The following RPH3AL variants were observed in gnomAD, a reference collection of about 807,000 sequenced individuals.
RPH3AL encodes the protein rab effector Noc2.
RPH3AL carries 38 observed loss-of-function variants against 43.1 expected under a neutral mutation model. The ratio of observed to expected loss-of-function variants is 0.88; its 90% CI spans 0.68 to 1.15. RPH3AL has a LOEUF of 1.15. Ranked by LOEUF, RPH3AL falls within the 50% of genes most tolerant of loss-of-function variation. The pLI is 0.00. For synonymous variants in RPH3AL, 189 were observed against 176.3 expected (o/e 1.07, Z -0.57); for missense variants, 462 against 423.2 (o/e 1.09, Z -0.81).
intron 1 of RPH3AL, among the ~76,000 whole-genome samples, chr17:337,122 A>ATTT (rs11453667): frequency 5.3e-5 from 8 of 150,064 alleles, no homozygotes; most frequent in Non-Finnish European, 8.9e-5. Flanking sequence ...CGCACCAATA[A>ATTT]TTTTTTTTTT....
chr17:316,513 C>T (rs1410825722), intron 5 of RPH3AL, among the ~76,000 whole-genome samples: 1 of 149,252 alleles, frequency 6.7e-6, no homozygotes, highest in Non-Finnish European at 1.5e-5. Flanking sequence ...CTGTGCTCCA[C>T]CTCCAGTGAC....
At chr17:224,962 C>T (rs1168592982) in intron 7 of RPH3AL, among the ~76,000 whole-genome samples, 2 of 89,850 alleles carry the variant, frequency 2.2e-5, no homozygotes, top group Non-Finnish European at 4.2e-5. Context: ...CGGGGCCTGT[C>T]ATGGGGTTGG....
At chr17:348,222 A>C (rs1043638265) in intron 1 of RPH3AL, among the ~76,000 whole-genome samples, 3 of 152,162 alleles carry the variant, frequency 2.0e-5, no homozygotes, top group African/African-American at 7.2e-5. Flanking sequence ...TAAAAAGACC[A>C]GGGATTTGGG....
intron 3 of RPH3AL, among the ~76,000 whole-genome samples, chr17:324,945 T>C (rs1449638750): frequency 6.6e-6 from 1 of 152,202 alleles, no homozygotes; most frequent in Non-Finnish European, 1.5e-5. Context: ...CAGGCTGGTC[T>C]CAAATGCCTG....
At chr17:309,913 C>T (rs1051645012) in intron 5 of RPH3AL, among the ~76,000 whole-genome samples, 3 of 152,192 alleles carry the variant, frequency 2.0e-5, no homozygotes, top group Non-Finnish European at 2.9e-5. Flanking sequence ...TGCCCCCAGC[C>T]TGAGCTGGAC....
intron 5 of RPH3AL, among the ~76,000 whole-genome samples, chr17:313,205 G>A (rs541589331): frequency 5.3e-5 from 8 of 152,164 alleles, no homozygotes; most frequent in East Asian, 1.9e-4. Flanking sequence ...CAGTCCCTAC[G>A]TTGCCTGTCT....
chr17:321,254 G>A lies in RPH3AL; in HGVS notation c.221+18C>T. 1 of 1,599,832 alleles carries A rather than the reference G, an allele frequency of 6.3e-7. No homozygotes were observed. Among genetic ancestry groups the A allele is most frequent in the Non-Finnish European group, 8.5e-7 (1 of 1,177,396 alleles). ...CCCTTGCTGTCCTCCCACTGAGCTG[G>A]CCCCGGCCCCGCCTCACCCGATTCT... On this transcript the variant is annotated intron_variant, in intron 4 of 9. Transcript: ENST00000331302.
At position 345,944 on chromosome 17, in the gene RPH3AL, G is replaced by C. The variant is rs2151734789; in HGVS notation, c.-213+6768C>G. 1.5e-5 allele frequency among the ~76,000 whole-genome samples: 2 copies of C among 135,514 alleles called. 1 individual carries two copies. Among genetic ancestry groups the C allele is most frequent in the South Asian group, 4.8e-4 (2 of 4,130 alleles). The allele number at this position is 135,514 out of a possible 152,430, so 88.9% of individuals were successfully genotyped here. On this transcript the variant is annotated intron_variant, in intron 1 of 9. Coordinates refer to ENST00000331302, the MANE Select transcript of RPH3AL (RefSeq NM_006987.4). ...AGTGGGCTCTGAGTCTCGAAGACCAGGACATAAGGGAAACACAAAATGTCA... is the reference window on the plus strand; with the variant it reads ...AGTGGGCTCTGAGTCTCGAAGACCACGACATAAGGGAAACACAAAATGTCA...
At chr17:324,681 T>TTCTATCTAGCTAGCTAGCTAGCTAGCTA (rs1555525129) in intron 3 of RPH3AL, among the ~76,000 whole-genome samples, 1 of 130,056 alleles carries the variant, frequency 7.7e-6, no homozygotes, top group Non-Finnish European at 1.7e-5. Context: ...CTTTCTATCT[T>TTCTATCTAGCTAGCTAGCTAGCTAGCTA]TCTATCTATC....
intron 6 of RPH3AL, among the ~76,000 whole-genome samples, chr17:271,753 C>G (rs572114180): frequency 2.0e-5 from 3 of 152,228 alleles, no homozygotes; most frequent in Non-Finnish European, 2.9e-5. Context: ...AATTGAATAC[C>G]CTTTATTTCT....
At chr17:284,298 G>A (rs902663029) in intron 5 of RPH3AL, among the ~76,000 whole-genome samples, 9 of 152,178 alleles carry the variant, frequency 5.9e-5, no homozygotes, top group African/African-American at 1.9e-4. Flanking sequence ...GGCTGCCCGA[G>A]GTCACACAGC....
chr17:309,904 G>T (rs79546440), intron 5 of RPH3AL, among the ~76,000 whole-genome samples: 3,911 of 152,178 alleles, frequency 0.026, 73 homozygotes, highest in East Asian at 0.075. Context: ...GGTAATACCT[G>T]CCCCCAGCCT....
intron 7 of RPH3AL, among the ~76,000 whole-genome samples, chr17:236,265 C>T (rs1458025784): frequency 6.6e-6 from 1 of 152,220 alleles, no homozygotes; most frequent in Non-Finnish European, 1.5e-5. Flanking sequence ...GCTCACTCCT[C>T]CGTCAGATGC....
At chr17:304,318 G>A (rs1436780349) in intron 5 of RPH3AL, among the ~76,000 whole-genome samples, 2 of 151,926 alleles carry the variant, frequency 1.3e-5, no homozygotes, top group African/African-American at 4.8e-5. Flanking sequence ...CCAGGTGAGA[G>A]ACCTGAAGCA....
Position 274,584 on chromosome 17 carries a change from G to T in RPH3AL, c.438+7184C>A, listed in dbSNP as rs1484383387. On this transcript the variant is annotated intron_variant, in intron 6 of 9. Coordinates refer to ENST00000331302, the MANE Select transcript of RPH3AL (RefSeq NM_006987.4). The surrounding 1 kb of genome is among the most constrained non-coding windows in gnomAD (Gnocchi z 4.7). ...AGCAGGGAGAGCAGGAAGAGCGGAG[G>T]AGACAGCATAAGCCAGGGGCTGCGG... 6.6e-6 allele frequency among the ~76,000 whole-genome samples: 1 copy of T among 152,160 alleles called. No homozygotes were observed. Among genetic ancestry groups the T allele is most frequent in the Non-Finnish European group, 1.5e-5 (1 of 68,032 alleles).
chr17:213,949 C>T (rs771745690), intron 9 of RPH3AL, 26 bp from the exon 10 acceptor site: 4 of 1,589,706 alleles, frequency 2.5e-6, no homozygotes, highest in East Asian at 2.2e-5. Flanking sequence ...AAGGCCACCA[C>T]ATGGTGAGCA....
chr17:278,498 C>T (rs75370667), intron 6 of RPH3AL, among the ~76,000 whole-genome samples: 4,009 of 152,202 alleles, frequency 0.026, 119 homozygotes, highest in African/African-American at 0.08. Context: ...ACATCTGCCT[C>T]GGGGCCTTTG....
In RPH3AL at chr17:289,253, G is replaced by T. The variant is rs1468341036; in HGVS notation, c.352-7399C>A. On this transcript the variant is annotated intron_variant, in intron 5 of 9. Transcript: ENST00000331302. This position sits in a 1 kb window ranked among gnomAD's most constrained non-coding sequence, Gnocchi z 5.2. ...CTCAGCACCATAAAAGGTTAGGTAG[G>T]CGGCAACCTCAGACCTTTATAGCCA... Among the ~76,000 whole-genome samples the T allele has an allele frequency of 1.3e-5, 2 of 152,076 alleles. No individual in the cohort carries two copies. The highest frequency in any genetic ancestry group is 4.8e-5 in the African/African-American group (2 of 41,412).
At chr17:263,612 A>G (rs1319060887) in intron 6 of RPH3AL, among the ~76,000 whole-genome samples, 1 of 152,208 alleles carries the variant, frequency 6.6e-6, no homozygotes, top group Non-Finnish European at 1.5e-5. Context: ...ATATTATTAA[A>G]TCCTCGGTCT....
Sources: allele counts gnomAD v4.1 joint callset (sites outside exome capture counted in the v4.1 genomes callset), GRCh38; gene constraint gnomAD v4.1.1; non-coding constraint Gnocchi (gnomAD v3.1); transcripts MANE v1.5; gene names NCBI Gene and HGNC (gene_info 2026-07-23, HGNC 2026-07-21).